Variants in MTUS1 observed in about 807,000 individuals in gnomAD.
The protein encoded by MTUS1 is microtubule-associated tumor suppressor 1.
Under a neutral mutation model 120.8 loss-of-function variants are expected in MTUS1, and 109 were observed. That is an observed-to-expected ratio of 0.90 (90% CI 0.77 to 1.06). The LOEUF (loss-of-function observed/expected upper bound fraction) is 1.06, where lower values mean the gene tolerates loss of function less well. Ranked by LOEUF, MTUS1 falls within the 50% of genes least tolerant of loss-of-function variation. The pLI is 0.00. For synonymous variants in MTUS1, 737 were observed against 550.5 expected (o/e 1.34, Z -4.74); for missense variants, 2,210 against 1,486.3 (o/e 1.49, Z -8.01).
intron 12 of MTUS1, among the ~76,000 whole-genome samples, chr8:17,651,057 G>T (rs973773403): frequency 5.9e-5 from 9 of 152,176 alleles, no homozygotes; most frequent in African/African-American, 1.7e-4. Flanking sequence ...GTGTTCCACG[G>T]GTTAAGCGCC....
At chr8:17,714,290 A>C (rs972646091) in intron 5 of MTUS1, among the ~76,000 whole-genome samples, 1 of 152,218 alleles carries the variant, frequency 6.6e-6, no homozygotes, top group Non-Finnish European at 1.5e-5. Flanking sequence ...TACATTAACC[A>C]GCCTCAAGGT....
At chr8:17,797,824 C>T (rs1210721102) in intron 1 of MTUS1, among the ~76,000 whole-genome samples, 2 of 152,162 alleles carry the variant, frequency 1.3e-5, no homozygotes, top group Non-Finnish European at 2.9e-5. Context: ...GACTCAGGCT[C>T]TCATGGAGAA....
intron 1 of MTUS1, chr8:17,800,579 G>C (rs889110568): frequency 1.3e-5 from 2 of 152,166 alleles, no homozygotes; most frequent in Non-Finnish European, 2.9e-5. Flanking sequence ...AAGCACTATA[G>C]AGTAGTCAAT....
At chr8:17,661,814 A>C (rs911892101) in intron 8 of MTUS1, among the ~76,000 whole-genome samples, 1 of 152,218 alleles carries the variant, frequency 6.6e-6, no homozygotes, top group African/African-American at 2.4e-5. Context: ...CAGTGACATC[A>C]GCCTGCAGCT....
chr8:17,703,503 C>G (rs114121045), intron 6 of MTUS1, among the ~76,000 whole-genome samples: 6,452 of 151,880 alleles, frequency 0.042, 160 homozygotes, highest in Middle Eastern at 0.065. Context: ...CGTGGTGGTG[C>G]GCACCTGTAG....
At chr8:17,650,281 G>A (rs1000053455) in intron 12 of MTUS1, among the ~76,000 whole-genome samples, 1 of 152,178 alleles carries the variant, frequency 6.6e-6, no homozygotes, top group Admixed American at 6.5e-5. Flanking sequence ...GAGGCAATCT[G>A]TGAGTCAGTT....
intron 3 of MTUS1, among the ~76,000 whole-genome samples, chr8:17,739,929 T>C (rs1412001474): frequency 6.6e-6 from 1 of 152,198 alleles, no homozygotes; most frequent in Admixed American, 6.5e-5. Context: ...ATAATATATT[T>C]CCACATTTTG....
At chr8:17,667,930 C>A (rs1324798339) in intron 8 of MTUS1, among the ~76,000 whole-genome samples, 1 of 152,122 alleles carries the variant, frequency 6.6e-6, no homozygotes, top group Non-Finnish European at 1.5e-5. Flanking sequence ...AATTTTCATG[C>A]ACAAAAATCA....
intron 3 of MTUS1, chr8:17,734,329 T>C (rs752501373): frequency 6.6e-6 from 1 of 152,216 alleles, no homozygotes. Flanking sequence ...ATCAAGGCAA[T>C]AGGACTCTGT....
intron 6 of MTUS1, chr8:17,697,739 G>A (rs1818266723): frequency 1.0e-5 from 10 of 994,674 alleles, no homozygotes; most frequent in Non-Finnish European, 1.2e-5. Context: ...GGTGGTCTCA[G>A]GAGCTTTACA....
At chr8:17,690,889 C>G in intron 6 of MTUS1, among the ~76,000 whole-genome samples, 1 of 152,144 alleles carries the variant, frequency 6.6e-6, no homozygotes, top group East Asian at 1.9e-4. Context: ...ATATTAGATA[C>G]CTCTAAAATC....
At chr8:17,795,589 A>T (rs1280983070) in intron 1 of MTUS1, among the ~76,000 whole-genome samples, 2 of 151,214 alleles carry the variant, frequency 1.3e-5, no homozygotes, top group East Asian at 3.9e-4. Flanking sequence ...ATGAGGGTAA[A>T]ATGTGTGTTT....
intron 3 of MTUS1, among the ~76,000 whole-genome samples, chr8:17,742,301 T>G (rs1468180524): frequency 1.5e-4 from 21 of 144,750 alleles, no homozygotes; most frequent in African/African-American, 3.1e-4. Flanking sequence ...GTTTTTTTTT[T>G]TTTTTTTTTT....
intron 5 of MTUS1, among the ~76,000 whole-genome samples, chr8:17,713,871 G>A (rs1171099236): frequency 6.6e-6 from 1 of 152,128 alleles, no homozygotes; most frequent in East Asian, 1.9e-4. Context: ...TTACAGAGAT[G>A]ATGATCTCTT....
At chr8:17,673,014 T>C (rs879397607) in intron 8 of MTUS1, among the ~76,000 whole-genome samples, 2 of 152,192 alleles carry the variant, frequency 1.3e-5, no homozygotes, top group Non-Finnish European at 2.9e-5. Context: ...GGAGAGAGGC[T>C]GAAATGTGAA....
At chr8:17,649,748 G>A in intron 13 of MTUS1, 98 bp downstream of exon 13, 1 of 700,734 alleles carries the variant, frequency 1.4e-6, no homozygotes, top group Non-Finnish European at 2.5e-6. Flanking sequence ...ATATCTTTAG[G>A]AGCAGTTAAC....
chr8:17,697,211 A>G, intron 6 of MTUS1: 1 of 1,536,690 alleles, frequency 6.5e-7, no homozygotes, highest in Non-Finnish European at 8.8e-7. Flanking sequence ...AAATTAATGA[A>G]GACATCCCCC....
At chr8:17,671,989 A>G (rs573908542) in intron 8 of MTUS1, among the ~76,000 whole-genome samples, 9 of 152,230 alleles carry the variant, frequency 5.9e-5, no homozygotes, top group Middle Eastern at 3.4e-3. Context: ...CAGCGAAAAA[A>G]CCATACTCAA....
chr8:17,662,349 AT>A (rs35308070), intron 8 of MTUS1, among the ~76,000 whole-genome samples: 1,504 of 112,620 alleles, frequency 0.013, 8 homozygotes, highest in African/African-American at 0.022. Context: ...TTTTGTCCCT[AT>A]TTTTTTTTTT....
Sources: gnomAD v4.1 joint callset for allele counts (sites outside exome capture counted in the v4.1 genomes callset) on GRCh38, gnomAD v4.1.1 for gene constraint, MANE v1.5 for transcripts, NCBI Gene and HGNC (gene_info 2026-07-23, HGNC 2026-07-21) for gene names.